Variants in HNF4G observed in about 807,000 individuals in gnomAD.
HNF4G encodes hepatocyte nuclear factor 4-gamma.
In HNF4G, 21 loss-of-function variants were observed where a neutral mutation model predicts 50.9. The ratio of observed to expected loss-of-function variants is 0.41; its 90% CI spans 0.29 to 0.59. The LOEUF (loss-of-function observed/expected upper bound fraction) is 0.59. HNF4G is among the 20% of genes least tolerant of loss of function. HNF4G has a pLI of 0.26. For synonymous variants in HNF4G, 198 were observed against 185.6 expected (o/e 1.07, Z -0.54); for missense variants, 527 against 559.4 (o/e 0.94, Z 0.58).
At chr8:75,466,961 A>G (rs1052851144) in intron 1 of HNF4G, among the ~76,000 whole-genome samples, 12 of 152,286 alleles carry the variant, frequency 7.9e-5, no homozygotes, top group Non-Finnish European at 8.8e-5. Context: ...CTGGGACTAC[A>G]GGTGTGAGCC....
At chr8:75,448,855 A>T (rs922475736) in intron 1 of HNF4G, among the ~76,000 whole-genome samples, 1 of 152,212 alleles carries the variant, frequency 6.6e-6, no homozygotes, top group Middle Eastern at 3.2e-3. Context: ...AATTATACAA[A>T]TCAAGCAACC....
At chr8:75,441,872 T>C (rs527293868) in intron 1 of HNF4G, among the ~76,000 whole-genome samples, 35 of 152,364 alleles carry the variant, frequency 2.3e-4, no homozygotes, top group Non-Finnish European at 1.3e-4. Flanking sequence ...ATAGCAGCAC[T>C]GTTTGTAAAA....
At chr8:75,492,381 A>G (rs1812651355) in intron 2 of HNF4G, among the ~76,000 whole-genome samples, 1 of 152,188 alleles carries the variant, frequency 6.6e-6, no homozygotes. Context: ...CCTGTAGGAG[A>G]GGGAAGAATC....
At position 75,443,995 on chromosome 8, in the gene HNF4G, A is replaced by G. The variant is rs57623096; in HGVS notation, c.-144+35833A>G. Among the ~76,000 whole-genome samples, 1,204 of 152,190 alleles carry G rather than the reference A, an allele frequency of 7.9e-3. 21 individuals are homozygous for G. Among genetic ancestry groups the G allele is most frequent in the African/African-American group, 0.027 (1,123 of 41,538 alleles). ...AGAATAGAGCAATGAAACAACATAA[A>G]AGCTCTGAAAGAAAACCTAGGGCAG... On this transcript the variant is annotated intron_variant, in intron 1 of 10. Transcript: ENST00000354370.
chr8:75,502,130 C>T (rs925078199), intron 2 of HNF4G, among the ~76,000 whole-genome samples: 6 of 152,082 alleles, frequency 3.9e-5, no homozygotes, highest in African/African-American at 1.4e-4. Flanking sequence ...GGATTACAGG[C>T]GTGAGCCACC....
intron 3 of HNF4G, among the ~76,000 whole-genome samples, chr8:75,551,042 A>G (rs906658976): frequency 6.6e-6 from 1 of 152,122 alleles, no homozygotes; most frequent in Non-Finnish European, 1.5e-5. Flanking sequence ...GACCTGGTCA[A>G]TCTTATAGGC....
intron 1 of HNF4G, among the ~76,000 whole-genome samples, chr8:75,476,062 C>A (rs1220866375): frequency 2.0e-5 from 3 of 152,018 alleles, no homozygotes; most frequent in Non-Finnish European, 2.9e-5. Context: ...GCATATTGCA[C>A]CCAAAAGACC....
At chr8:75,493,491 T>C (rs1249753096) in intron 2 of HNF4G, among the ~76,000 whole-genome samples, 1 of 152,176 alleles carries the variant, frequency 6.6e-6, no homozygotes, top group African/African-American at 2.4e-5. Flanking sequence ...TTTGACTGCA[T>C]TCTTATCAAT....
chr8:75,504,735 G>T (rs933969370), intron 2 of HNF4G, among the ~76,000 whole-genome samples: 20 of 152,036 alleles, frequency 1.3e-4, no homozygotes, highest in African/African-American at 4.1e-4. Flanking sequence ...TTGTACTGAT[G>T]ATGATTTGTT....
chr8:75,411,462 AC>A (rs1169847986), intron 1 of HNF4G, among the ~76,000 whole-genome samples: 2 of 152,226 alleles, frequency 1.3e-5, no homozygotes, highest in African/African-American at 4.8e-5. Flanking sequence ...TATGGGTAGA[AC>A]TTAAATAACA....
At chr8:75,510,601 G>T (rs532573187) in intron 2 of HNF4G, among the ~76,000 whole-genome samples, 12 of 152,160 alleles carry the variant, frequency 7.9e-5, no homozygotes, top group African/African-American at 2.4e-4. Flanking sequence ...GGTTACCATT[G>T]TGTTATAATT....
chr8:75,539,817 T>C (rs1488112527), upstream of HNF4G: 3 of 560,632 alleles, frequency 5.4e-6, no homozygotes, highest in East Asian at 6.0e-5. Context: ...AGGTTACAGT[T>C]TTACAGCCCC....
At chr8:75,470,762 T>C (rs1812094997) in intron 1 of HNF4G, among the ~76,000 whole-genome samples, 2 of 152,358 alleles carry the variant, frequency 1.3e-5, no homozygotes, top group East Asian at 3.9e-4. Context: ...TAATTCTGTG[T>C]TAATCCTGTT....
At chr8:75,529,681 G>C (rs960033838) in intron 2 of HNF4G, among the ~76,000 whole-genome samples, 1 of 152,024 alleles carries the variant, frequency 6.6e-6, no homozygotes, top group East Asian at 1.9e-4. Context: ...AAACAGAAAA[G>C]GGTTCTGTGA....
intron 1 of HNF4G, among the ~76,000 whole-genome samples, chr8:75,458,384 T>G (rs1811772287): frequency 6.7e-6 from 1 of 149,428 alleles, no homozygotes; most frequent in East Asian, 1.9e-4. Flanking sequence ...TTTTTTTTTT[T>G]TTTTTTTACT....
intron 1 of HNF4G, among the ~76,000 whole-genome samples, chr8:75,478,137 C>A (rs1015358806): frequency 6.6e-6 from 1 of 151,782 alleles, no homozygotes; most frequent in African/African-American, 2.4e-5. Flanking sequence ...CATGGCGGAA[C>A]CCCGTATCTA....
At chr8:75,470,801 T>G (rs1812095666) in intron 1 of HNF4G, among the ~76,000 whole-genome samples, 1 of 152,218 alleles carries the variant, frequency 6.6e-6, no homozygotes, top group Non-Finnish European at 1.5e-5. Context: ...AGGAAATTAT[T>G]TGCTATAAGA....
intron 1 of HNF4G, among the ~76,000 whole-genome samples, chr8:75,442,709 A>T (rs1811315760): frequency 6.6e-6 from 1 of 152,196 alleles, no homozygotes; most frequent in South Asian, 2.1e-4. Context: ...ACCCATAAAT[A>T]TTTCCTAAAG....
At chr8:75,466,587 T>TCCTG (rs1811981226) in intron 1 of HNF4G, among the ~76,000 whole-genome samples, 1 of 98,134 alleles carries the variant, frequency 1.0e-5, no homozygotes, top group Non-Finnish European at 2.2e-5. Context: ...CTTCCTTCCT[T>TCCTG]CCTTCCTTCC....
Sources: allele counts gnomAD v4.1 joint callset (sites outside exome capture counted in the v4.1 genomes callset), GRCh38; gene constraint gnomAD v4.1.1; transcripts MANE v1.5; gene names NCBI Gene and HGNC (gene_info 2026-07-23, HGNC 2026-07-21).